Variants in ASB2 observed in about 807,000 individuals in gnomAD.
ASB2 encodes the protein ankyrin repeat and SOCS box protein 2.
ASB2 carries 58 observed loss-of-function variants against 62.4 expected under a neutral mutation model. The observed-to-expected ratio is 0.93, with a 90% CI of 0.75 to 1.16. The LOEUF (loss-of-function observed/expected upper bound fraction) is 1.16, where lower values mean the gene tolerates loss of function less well. Ranked by LOEUF, ASB2 falls within the 50% of genes most tolerant of loss-of-function variation. The pLI is 0.00. For synonymous variants in ASB2, 386 were observed against 385.3 expected (o/e 1.00, Z -0.02); for missense variants, 928 against 887.9 (o/e 1.05, Z -0.57).
intron 9 of ASB2, 110 bp downstream of exon 9, chr14:93,937,588 G>A: frequency 8.8e-7 from 1 of 1,129,962 alleles, no homozygotes; most frequent in Non-Finnish European, 1.2e-6. Context: ...TACAGAGCCT[G>A]GCAAGCAGCA....
At chr14:93,952,125 A>C (rs565045776) in intron 5 of ASB2, among the ~76,000 whole-genome samples, 1 of 152,162 alleles carries the variant, frequency 6.6e-6, no homozygotes, top group Admixed American at 6.5e-5. Context: ...TTCAAATAGA[A>C]CCATAGGCCA....
At chr14:93,975,442 C>T (rs979146523) in intron 1 of ASB2, among the ~76,000 whole-genome samples, 1 of 152,238 alleles carries the variant, frequency 6.6e-6, no homozygotes, top group African/African-American at 2.4e-5. Flanking sequence ...GAAACCAAGT[C>T]ATGTTTCTGG....
intron 2 of ASB2, 108 bp downstream of exon 2, chr14:93,964,226 C>T: frequency 2.0e-6 from 2 of 1,022,562 alleles, no homozygotes; most frequent in Non-Finnish European, 2.9e-6. Context: ...GTGTGAAAAG[C>T]AACCTAGAGA....
Position 93,957,146 on chromosome 14 carries a change from C to CA in ASB2, c.207-277_207-276insT, listed in dbSNP as rs1889255301. On this transcript the variant is annotated intron_variant, in intron 2 of 9. Transcript: ENST00000555019. ...TAACCTCACCCCACCCCCCGGTCCCCCTCCCCAGCCAACCACGAAAGAGGC... is the reference window on the plus strand; with the variant it reads ...TAACCTCACCCCACCCCCCGGTCCCCACTCCCCAGCCAACCACGAAAGAGGC... 3.7e-6 allele frequency: 5 copies of CA among 1,353,276 alleles called. No homozygotes were observed. In the South Asian group the frequency reaches 9.6e-5, roughly 26 times the overall value. 83.8% of individuals were successfully genotyped at this position (1,353,276 alleles called of 1,614,324 possible).
At position 93,956,572 on chromosome 14, in the gene ASB2, C is replaced by G. The variant is rs182150656; in HGVS notation, c.311+194G>C. On this transcript the variant is annotated intron_variant, in intron 3 of 9. Coordinates refer to ENST00000555019, the MANE Select transcript of ASB2 (RefSeq NM_001202429.2). ...CTGGAAGTTCCTTGAGGACTGAAGT[C>G]TGTGGCCACCAAGCCCATCTCAGCA... Among the ~76,000 whole-genome samples the G allele has an allele frequency of 5.3e-5, 8 of 152,370 alleles. No homozygotes were observed. In the South Asian group the frequency reaches 1.2e-3, roughly 24 times the overall value.
intron 7 of ASB2, chr14:93,942,076 G>A (rs1292704180): frequency 1.1e-5 from 5 of 436,362 alleles, no homozygotes; most frequent in Admixed American, 2.4e-5. Context: ...CTATGGGAGC[G>A]GCCACGTTGG....
At chr14:93,941,450 A>G in intron 7 of ASB2, 1 of 319,358 alleles carries the variant, frequency 3.1e-6, no homozygotes, top group South Asian at 2.4e-5. Context: ...ATCTCAGTGG[A>G]AAGTATTATG....
intron 2 of ASB2, among the ~76,000 whole-genome samples, chr14:93,959,255 G>A (rs1260119754): frequency 2.6e-5 from 4 of 152,218 alleles, no homozygotes; most frequent in African/African-American, 9.6e-5. Context: ...AGGATATTTG[G>A]AAGTCAGCAG....
At chr14:93,970,803 C>T (rs1308713402) in intron 1 of ASB2, among the ~76,000 whole-genome samples, 3 of 152,144 alleles carry the variant, frequency 2.0e-5, no homozygotes, top group African/African-American at 7.2e-5. Context: ...AAGCAGGTTA[C>T]TCGGTGCCTC....
rs368073287 is a variant in ASB2 at position 93,954,297 on chromosome 14, C to T, written c.478+20G>A. The T allele has an allele frequency of 5.4e-5, 87 of 1,606,790 alleles. No individual in the cohort carries two copies. The highest frequency in any genetic ancestry group is 7.7e-5 in the South Asian group (7 of 90,926). The stretch of plus-strand genomic sequence containing the variant: ...TAGTCCCTTTCCCACCTCTTGCCAC[C>T]GTCAGAGCCCAGCCCTCACCTCGCT... On this transcript the variant is annotated intron_variant, in intron 4 of 9. Coordinates refer to ENST00000555019, the MANE Select transcript of ASB2 (RefSeq NM_001202429.2).
In ASB2 at chr14:93,961,639, T is replaced by C. The variant is rs57744883; in HGVS notation, c.206+2695A>G. ...ACCTGAAGATGAGAAGGAGCTGCTA[T>C]GTGGATTGCCTGGGGACAAGGGTGA... is the stretch of plus-strand genomic sequence containing the variant. On this transcript the variant is annotated intron_variant, in intron 2 of 9. Transcript: ENST00000555019. 3.9e-3 allele frequency among the ~76,000 whole-genome samples: 601 copies of C among 152,352 alleles called. 5 individuals carry two copies. The highest frequency in any genetic ancestry group is 0.014 in the African/African-American group (569 of 41,572).
At position 93,955,163 on chromosome 14, in the gene ASB2, T is replaced by C. The variant is rs1291865728; in HGVS notation, c.312-680A>G. 1.1e-5 allele frequency: 5 copies of C among 456,546 alleles called. No homozygotes were observed. In the East Asian group the frequency reaches 2.1e-4, roughly 19 times the overall value. 28.3% of individuals were successfully genotyped at this position (456,546 alleles called of 1,614,324 possible). A position where few individuals can be genotyped will look rare whatever the true frequency, so the allele number is the denominator to read the frequency against. On this transcript the variant is annotated intron_variant, in intron 3 of 9. Coordinates refer to ENST00000555019, the MANE Select transcript of ASB2 (RefSeq NM_001202429.2). ...ATGTCTATGCCTCTCAGATCCACTT[T>C]TGGGGAGGCTTCTGCATCAATAGTC...
intron 2 of ASB2, among the ~76,000 whole-genome samples, chr14:93,959,346 A>C (rs1256568520): frequency 2.0e-5 from 3 of 152,188 alleles, no homozygotes; most frequent in Non-Finnish European, 2.9e-5. Flanking sequence ...TTCTGGGAGC[A>C]CTGAGATCCG....
At chr14:93,958,159 G>A (rs1019844362) in intron 2 of ASB2, among the ~76,000 whole-genome samples, 5 of 152,184 alleles carry the variant, frequency 3.3e-5, no homozygotes, top group Admixed American at 6.5e-5. Flanking sequence ...CATCCTCGCC[G>A]CTGTCACGCC....
At chr14:93,935,188 T>G (rs904065909) in intron 9 of ASB2, among the ~76,000 whole-genome samples, 3 of 152,168 alleles carry the variant, frequency 2.0e-5, no homozygotes, top group African/African-American at 7.2e-5. Context: ...TCAGAGGGTT[T>G]GACCACTTAA....
Position 93,944,856 on chromosome 14 carries a change from G to A in ASB2, c.1052+2493C>T, listed in dbSNP as rs796743464. Among the ~76,000 whole-genome samples the A allele has an allele frequency of 4.5e-4, 69 of 152,298 alleles. 1 individual carries two copies. The highest frequency in any genetic ancestry group is 1.6e-3 in the African/African-American group (65 of 41,546). ...GACGCGCCTTACTCTCTGATCATCC[G>A]CAAGGCCACCTAGTGCCCCTTCAGC... On this transcript the variant is annotated intron_variant, in intron 7 of 9. Transcript: ENST00000555019.
intron 9 of ASB2, 87 bp from the exon 10 acceptor site, chr14:93,934,879 GC>G: frequency 8.7e-7 from 1 of 1,148,376 alleles, no homozygotes; most frequent in Non-Finnish European, 1.3e-6. Flanking sequence ...TATGGGAGGT[GC>G]CCAGCTGATG....
intron 6 of ASB2, among the ~76,000 whole-genome samples, chr14:93,950,265 G>A (rs763400763): frequency 5.3e-5 from 8 of 152,176 alleles, no homozygotes; most frequent in East Asian, 1.9e-4. Context: ...GTTACTTCCC[G>A]TGGAGAGAGA....
rs75376570 is a variant in ASB2 at position 93,973,791 on chromosome 14, C to T, written c.-74+2643G>A. Among the ~76,000 whole-genome samples the T allele has an allele frequency of 8.3e-3, 1,263 of 152,332 alleles. 75 individuals carry two copies. In the East Asian group the frequency reaches 0.15, roughly 18 times the overall value. On this transcript the variant is annotated intron_variant, in intron 1 of 9. Coordinates refer to ENST00000555019, the MANE Select transcript of ASB2 (RefSeq NM_001202429.2). ...ATATTCTGCCCAGGCACTACCAATG[C>T]CAGGATCTGCCATCTGTGCCAGTGA...
Sources: gnomAD v4.1 joint callset for allele counts (sites outside exome capture counted in the v4.1 genomes callset) on GRCh38, gnomAD v4.1.1 for gene constraint, MANE v1.5 for transcripts, NCBI Gene and HGNC (gene_info 2026-07-23, HGNC 2026-07-21) for gene names.